Variants in PPP2R2A observed in about 807,000 individuals in gnomAD.
PPP2R2A encodes serine/threonine-protein phosphatase 2A 55 kDa regulatory subunit B alpha isoform.
PPP2R2A carries 9 observed loss-of-function variants against 53.2 expected under a neutral mutation model. That is an observed-to-expected ratio of 0.17 (90% CI 0.10 to 0.30). The LOEUF is 0.30. PPP2R2A is among the 10% of genes least tolerant of loss of function. The pLI is 1.00. For missense variants in PPP2R2A, 235 were observed against 534.6 expected (o/e 0.44, Z 5.53); for synonymous variants, 169 against 174.2 (o/e 0.97, Z 0.23).
At chr8:26,309,346 A>G (rs777045396) in intron 2 of PPP2R2A, among the ~76,000 whole-genome samples, 2 of 152,186 alleles carry the variant, frequency 1.3e-5, no homozygotes, top group Non-Finnish European at 1.5e-5. Flanking sequence ...AGGTCTCAAC[A>G]GTGGGCTTAA....
At chr8:26,327,650 T>C (rs1376386765) in intron 2 of PPP2R2A, among the ~76,000 whole-genome samples, 1 of 151,684 alleles carries the variant, frequency 6.6e-6, no homozygotes, top group African/African-American at 2.4e-5. Context: ...GGGAAATCAT[T>C]TTACAATGAT....
intron 4 of PPP2R2A, chr8:26,358,772 A>G (rs1804923987): frequency 3.9e-6 from 1 of 257,824 alleles, no homozygotes; most frequent in Admixed American, 4.0e-5. Context: ...ATCAACATGC[A>G]TGAGCCTATA....
chr8:26,327,046 C>T (rs1021761353), intron 2 of PPP2R2A, among the ~76,000 whole-genome samples: 4 of 152,212 alleles, frequency 2.6e-5, no homozygotes, highest in African/African-American at 9.7e-5. Flanking sequence ...CAGGACACAT[C>T]TCTGGAAGTT....
chr8:26,370,100 CTTGT>C lies in PPP2R2A; in HGVS notation c.1065-30_1065-27del. ...TACTTGAAAACAATTTCTTGTTCTG[CTTGT>C]TTGACTGAGTGTACTGTCTATTTTC... On this transcript the variant is annotated intron_variant, in intron 9 of 9. Coordinates refer to ENST00000380737, the MANE Select transcript of PPP2R2A (RefSeq NM_002717.4). This position sits in a 1 kb window ranked among gnomAD's most constrained non-coding sequence, Gnocchi z 6.1. 6.3e-7 allele frequency: 1 copy of C among 1,580,882 alleles called. No individual in the cohort carries two copies. Among genetic ancestry groups the C allele is most frequent in the Non-Finnish European group, 8.6e-7 (1 of 1,158,264 alleles).
chr8:26,322,580 C>T (rs770365844), intron 2 of PPP2R2A, among the ~76,000 whole-genome samples: 31 of 151,668 alleles, frequency 2.0e-4, no homozygotes, highest in Non-Finnish European at 4.1e-4. Flanking sequence ...GTATATCACT[C>T]GACTACTTGG....
At chr8:26,301,184 G>A (rs1801764974) in intron 2 of PPP2R2A, among the ~76,000 whole-genome samples, 1 of 152,060 alleles carries the variant, frequency 6.6e-6, no homozygotes, top group Non-Finnish European at 1.5e-5. Context: ...TTCAGGTGAA[G>A]GCGTTTGATG....
At chr8:26,317,775 C>T (rs1265150272) in intron 2 of PPP2R2A, among the ~76,000 whole-genome samples, 2 of 152,190 alleles carry the variant, frequency 1.3e-5, no homozygotes, top group Non-Finnish European at 2.9e-5. Flanking sequence ...TTGTTTCTCT[C>T]TCACGTGACC....
At chr8:26,303,900 C>T (rs768989956) in intron 2 of PPP2R2A, among the ~76,000 whole-genome samples, 12 of 152,254 alleles carry the variant, frequency 7.9e-5, no homozygotes, top group Non-Finnish European at 1.2e-4. Context: ...ACCACATTGC[C>T]GGGAGTTACG....
chr8:26,341,755 T>G (rs561311519), intron 3 of PPP2R2A, among the ~76,000 whole-genome samples: 1 of 152,336 alleles, frequency 6.6e-6, no homozygotes, highest in South Asian at 2.1e-4. Context: ...GCAGGGTTCC[T>G]TCTTAAACTT....
intron 2 of PPP2R2A, among the ~76,000 whole-genome samples, chr8:26,302,638 A>G (rs1016362595): frequency 6.6e-6 from 1 of 152,262 alleles, no homozygotes; most frequent in Non-Finnish European, 1.5e-5. Context: ...CTATTAAAAT[A>G]TTCCTCCCTT....
At chr8:26,334,923 T>A (rs767255023) in intron 2 of PPP2R2A, among the ~76,000 whole-genome samples, 1 of 152,218 alleles carries the variant, frequency 6.6e-6, no homozygotes, top group Non-Finnish European at 1.5e-5. Flanking sequence ...CAGCCCTGTT[T>A]GGGTGTAGCA....
intron 2 of PPP2R2A, among the ~76,000 whole-genome samples, chr8:26,315,181 G>A (rs1802486114): frequency 6.6e-6 from 1 of 152,004 alleles, no homozygotes; most frequent in Non-Finnish European, 1.5e-5. Context: ...ACTGGTATCT[G>A]GGAATCCTTG....
chr8:26,339,051 C>CT, intron 3 of PPP2R2A, 64 bp downstream of exon 3: 1 of 1,186,024 alleles, frequency 8.4e-7, no homozygotes, highest in Non-Finnish European at 1.2e-6. Flanking sequence ...TTGTGTTGCA[C>CT]TGGAGAATCT....
chr8:26,308,857 AATATAT>A (rs148077226), intron 2 of PPP2R2A, among the ~76,000 whole-genome samples: 1 of 149,516 alleles, frequency 6.7e-6, no homozygotes, highest in African/African-American at 2.5e-5. Flanking sequence ...AGCCTTACAA[AATATAT>A]ATATATATAT....
intron 2 of PPP2R2A, among the ~76,000 whole-genome samples, chr8:26,309,623 G>A (rs974855001): frequency 2.0e-5 from 3 of 152,084 alleles, no homozygotes; most frequent in Admixed American, 6.5e-5. Context: ...CTGTTTAGTT[G>A]ACTTTGAAAA....
chr8:26,357,691 T>G (rs1398356264), intron 4 of PPP2R2A, among the ~76,000 whole-genome samples: 1 of 152,056 alleles, frequency 6.6e-6, no homozygotes, highest in African/African-American at 2.4e-5. Context: ...GGGTCTTACA[T>G]AAAGCTGCAT....
At chr8:26,361,805 C>G (rs1297804995) in intron 6 of PPP2R2A, among the ~76,000 whole-genome samples, 3 of 151,722 alleles carry the variant, frequency 2.0e-5, no homozygotes, top group African/African-American at 7.3e-5. Context: ...CCTAAAAATA[C>G]AAAACATTAG....
At chr8:26,314,675 T>C (rs986720551) in intron 2 of PPP2R2A, among the ~76,000 whole-genome samples, 2 of 152,276 alleles carry the variant, frequency 1.3e-5, no homozygotes, top group African/African-American at 4.8e-5. Flanking sequence ...GGTGTTACAT[T>C]TGAGAACACT....
At position 26,356,442 on chromosome 8, in the gene PPP2R2A, A is replaced by G. The variant is rs558869609; in HGVS notation, c.346+1809A>G. 1.5e-3 allele frequency among the ~76,000 whole-genome samples: 221 copies of G among 152,316 alleles called. 2 individuals are homozygous for G. Among genetic ancestry groups the G allele is most frequent in the African/African-American group, 4.6e-3 (192 of 41,572 alleles). Reference sequence around the variant, plus strand: ...TGCATTCCCCTCTCTTGTCCTTATTAGAAGAAAAATAAAGAGAAGTAACTA... The same window carrying G: ...TGCATTCCCCTCTCTTGTCCTTATTGGAAGAAAAATAAAGAGAAGTAACTA... On this transcript the variant is annotated intron_variant, in intron 4 of 9. Coordinates refer to ENST00000380737, the MANE Select transcript of PPP2R2A (RefSeq NM_002717.4).
Sources: gnomAD v4.1 joint callset for allele counts (sites outside exome capture counted in the v4.1 genomes callset) on GRCh38, gnomAD v4.1.1 for gene constraint, Gnocchi (gnomAD v3.1) non-coding constraint, MANE v1.5 for transcripts, NCBI Gene and HGNC (gene_info 2026-07-23, HGNC 2026-07-21) for gene names.